Variants in MACROD2 observed in about 807,000 individuals in gnomAD.
The protein encoded by MACROD2 is ADP-ribose glycohydrolase MACROD2.
In MACROD2, 36 loss-of-function variants were observed where a neutral mutation model predicts 70.4. The observed-to-expected ratio is 0.51, with a 90% CI of 0.39 to 0.68. MACROD2 has a LOEUF of 0.68. MACROD2 is among the 30% of genes least tolerant of loss of function. The pLI is 0.00. For synonymous variants in MACROD2, 172 were observed against 178.8 expected (o/e 0.96, Z 0.30); for missense variants, 496 against 538.4 (o/e 0.92, Z 0.78).
chr20:15,085,416 AC>A (rs1437428219), intron 5 of MACROD2, among the ~76,000 whole-genome samples: 1 of 152,100 alleles, frequency 6.6e-6, no homozygotes, highest in Admixed American at 6.6e-5. Flanking sequence ...AAAATTAAAA[AC>A]TTTTGTGCTT....
At chr20:14,864,343 T>G (rs1401058304) in intron 5 of MACROD2, among the ~76,000 whole-genome samples, 1 of 152,090 alleles carries the variant, frequency 6.6e-6, no homozygotes, top group African/African-American at 2.4e-5. Flanking sequence ...GTTGTGCCCT[T>G]TGGAGAGGGC....
At chr20:14,954,531 T>C (rs943687042) in intron 5 of MACROD2, among the ~76,000 whole-genome samples, 11 of 139,540 alleles carry the variant, frequency 7.9e-5, no homozygotes, top group Admixed American at 2.3e-4. Context: ...ATTATATAAT[T>C]ATATATAATA....
intron 13 of MACROD2, among the ~76,000 whole-genome samples, chr20:15,980,689 T>C (rs2066385425): frequency 6.6e-6 from 1 of 152,228 alleles, no homozygotes; most frequent in Admixed American, 6.5e-5. Context: ...TTTTTAACTA[T>C]GTCTTTAACT....
intron 3 of MACROD2, among the ~76,000 whole-genome samples, chr20:14,203,885 G>A (rs2081500809): frequency 6.6e-6 from 1 of 152,178 alleles, no homozygotes; most frequent in South Asian, 2.1e-4. Context: ...GGTGCTGGTG[G>A]TGGCAGGGTG....
At chr20:15,286,055 G>GA (rs940673665) in intron 6 of MACROD2, among the ~76,000 whole-genome samples, 10 of 149,870 alleles carry the variant, frequency 6.7e-5, no homozygotes, top group East Asian at 5.9e-4. Context: ...TTCTTGCTTG[G>GA]AAAAAAAAAT....
At chr20:14,940,445 A>G (rs1189303975) in intron 5 of MACROD2, among the ~76,000 whole-genome samples, 2 of 152,150 alleles carry the variant, frequency 1.3e-5, no homozygotes, top group Admixed American at 1.3e-4. Context: ...TTTTGAATAA[A>G]AGTAGTAAAA....
chr20:15,143,665 T>A (rs1295434962), intron 5 of MACROD2, among the ~76,000 whole-genome samples: 1 of 152,146 alleles, frequency 6.6e-6, no homozygotes, highest in East Asian at 1.9e-4. Context: ...TTGCAAAGTG[T>A]TGGCCATGCT....
intron 6 of MACROD2, among the ~76,000 whole-genome samples, chr20:15,352,401 T>A (rs553170914): frequency 2.3e-3 from 349 of 152,290 alleles, no homozygotes; most frequent in Non-Finnish European, 3.7e-3. Flanking sequence ...AGAGAATGTG[T>A]TAATATTTAT....
intron 3 of MACROD2, among the ~76,000 whole-genome samples, chr20:14,260,888 A>C (rs2082096185): frequency 6.6e-6 from 1 of 152,216 alleles, no homozygotes; most frequent in Non-Finnish European, 1.5e-5. Flanking sequence ...TGGAAGGCCT[A>C]TTCCATACTG....
intron 5 of MACROD2, among the ~76,000 whole-genome samples, chr20:14,906,709 G>T (rs2073963819): frequency 2.0e-5 from 3 of 152,076 alleles, no homozygotes; most frequent in South Asian, 4.1e-4. Context: ...CACAAATTAG[G>T]TTCAATAAAA....
intron 15 of MACROD2, among the ~76,000 whole-genome samples, chr20:16,034,600 GCA>G (rs1381219868): frequency 6.6e-6 from 1 of 151,930 alleles, no homozygotes; most frequent in African/African-American, 2.4e-5. Context: ...ACCACAGTGA[GCA>G]CAGTTTATTT....
At chr20:15,343,039 G>T (rs1280073352) in intron 6 of MACROD2, among the ~76,000 whole-genome samples, 1 of 152,196 alleles carries the variant, frequency 6.6e-6, no homozygotes, top group African/African-American at 2.4e-5. Flanking sequence ...TTTGGAAATA[G>T]AAAGTATTGC....
chr20:14,532,294 C>T (rs1472633086), intron 4 of MACROD2, among the ~76,000 whole-genome samples: 1 of 150,468 alleles, frequency 6.6e-6, no homozygotes, highest in Non-Finnish European at 1.5e-5. Context: ...TCTCGGCTCA[C>T]TGCAACCTCC....
intron 2 of MACROD2, among the ~76,000 whole-genome samples, chr20:14,028,363 G>T (rs935672670): frequency 2.0e-5 from 3 of 152,138 alleles, no homozygotes; most frequent in Non-Finnish European, 2.9e-5. Flanking sequence ...TGGACCCCGT[G>T]GGGGTGGGAT....
intron 5 of MACROD2, among the ~76,000 whole-genome samples, chr20:14,913,602 A>G (rs950612526): frequency 8.5e-5 from 13 of 152,158 alleles, no homozygotes; most frequent in Admixed American, 7.2e-4. Context: ...CAAGAGGATC[A>G]TTTGACCCCA....
intron 5 of MACROD2, among the ~76,000 whole-genome samples, chr20:14,787,960 C>T (rs1600664355): frequency 6.6e-6 from 1 of 152,004 alleles, no homozygotes; most frequent in African/African-American, 2.4e-5. Flanking sequence ...CTTTTTTACT[C>T]ACTATAAAAC....
chr20:15,110,328 C>T (rs1465009661), intron 5 of MACROD2, among the ~76,000 whole-genome samples: 1 of 152,140 alleles, frequency 6.6e-6, no homozygotes, highest in Admixed American at 6.5e-5. Context: ...GCCGGGTGCC[C>T]TGCACTGGAA....
At chr20:14,208,085 A>C (rs1257487810) in intron 3 of MACROD2, among the ~76,000 whole-genome samples, 2 of 152,204 alleles carry the variant, frequency 1.3e-5, no homozygotes, top group Admixed American at 1.3e-4. Flanking sequence ...AATTCTGAAC[A>C]CTTCTTGAGG....
chr20:14,561,104 G>T (rs1979402987), intron 4 of MACROD2, among the ~76,000 whole-genome samples: 1 of 151,782 alleles, frequency 6.6e-6, no homozygotes, highest in Non-Finnish European at 1.5e-5. Context: ...GAGACTTATG[G>T]TGTGGTGGTG....
Sources: gnomAD v4.1 joint callset for allele counts (sites outside exome capture counted in the v4.1 genomes callset) on GRCh38, gnomAD v4.1.1 for gene constraint, MANE v1.5 for transcripts, NCBI Gene and HGNC (gene_info 2026-07-23, HGNC 2026-07-21) for gene names.